Variants in WDR35 observed in about 807,000 individuals in gnomAD.
The protein encoded by WDR35 is WD repeat-containing protein 35.
Under a neutral mutation model 158.3 loss-of-function variants are expected in WDR35, and 118 were observed. That is an observed-to-expected ratio of 0.75 (90% confidence interval 0.64 to 0.87). WDR35 has a LOEUF of 0.87. Among genes scored for constraint, WDR35 ranks in the 40% least tolerant of loss-of-function variants. The pLI is 0.00. For synonymous variants in WDR35, 448 were observed against 476.1 expected (o/e 0.94, Z 0.77); for missense variants, 1,263 against 1,405.8 (o/e 0.90, Z 1.62).
In WDR35 at chr2:19,975,600, T is replaced by C. The variant is rs762278075; in HGVS notation, c.500A>G (p.Asp167Gly). The C allele has an allele frequency of 1.2e-6, 2 of 1,614,128 alleles. No individual in the cohort carries two copies. The highest frequency in any genetic ancestry group is 3.3e-4 in the Middle Eastern group (2 of 6,060). ...CATTCCAAAAAGTAAGACTTTACTG[T>C]CCGCAGACCATGTTACATGGGATAG... The part of the protein sequence containing the change: ...IQLSHVTWSA[D>G]SKVLLFGMAN... Residue 167 changes from aspartate (D) to glycine (G), a missense_variant, in exon 6 of 27, where the codon GAC (aspartate) becomes GGC (glycine). Transcript: ENST00000281405.
chr2:19,963,884 C>T (rs1671748779), intron 10 of WDR35, among the ~76,000 whole-genome samples: 2 of 152,106 alleles, frequency 1.3e-5, no homozygotes, highest in Admixed American at 6.5e-5. Flanking sequence ...GCTGGGATTA[C>T]AGGCACCCGC....
chr2:19,950,287 T>C (rs1423031752), intron 13 of WDR35, among the ~76,000 whole-genome samples: 1 of 152,060 alleles, frequency 6.6e-6, no homozygotes. Flanking sequence ...AAATATTAAA[T>C]GTAATGTGTA....
At chr2:19,963,209 G>A (rs747815800) in intron 10 of WDR35, among the ~76,000 whole-genome samples, 1 of 152,020 alleles carries the variant, frequency 6.6e-6, no homozygotes, top group Non-Finnish European at 1.5e-5. Flanking sequence ...AGAATTTAGG[G>A]TTCAGTATGT....
intron 11 of WDR35, among the ~76,000 whole-genome samples, chr2:19,955,645 T>G (rs1558343633): frequency 6.6e-6 from 1 of 152,228 alleles, no homozygotes; most frequent in Non-Finnish European, 1.5e-5. Flanking sequence ...CAAAACAGTG[T>G]AAAACTTAAT....
chr2:19,936,278 GT>G lies in WDR35; in HGVS notation c.2354del (p.Asp785AlafsTer22). ...CATTGTTGGCTTGTTCCAGGAGACT[GT>G]CATCTGCATCACCAGATCCAGTTTT... The part of the protein sequence containing the change: ...LLKTGSGDAD[D>X]SLLEQANNAI... On this transcript the variant is annotated frameshift_variant, in exon 20 of 27. Coordinates refer to ENST00000281405, the MANE Select transcript of WDR35 (RefSeq NM_020779.4). LOFTEE classifies it high-confidence loss of function. The G allele has an allele frequency of 6.2e-7, 1 of 1,614,054 alleles. No individual in the cohort carries two copies. Among genetic ancestry groups the G allele is most frequent in the Non-Finnish European group, 8.5e-7 (1 of 1,179,948 alleles).
rs762344853 is a variant in WDR35, at chr2:19,937,727, C to A, written c.2267+16G>T. 5.6e-6 allele frequency: 9 copies of A among 1,614,022 alleles called. No homozygotes were observed. Among genetic ancestry groups the A allele is most frequent in the Middle Eastern group, 1.7e-4 (1 of 6,056 alleles). On this transcript the variant is annotated intron_variant, in intron 19 of 26. Transcript: ENST00000281405. ...CTGATAGAGTACTCAGGGATGCCTG[C>A]GCCTTCATAACTTACCTTCTGTCCA... is the stretch of plus-strand genomic sequence containing the variant.
At chr2:19,981,652 G>A (rs1200714555) in intron 3 of WDR35, among the ~76,000 whole-genome samples, 1 of 152,024 alleles carries the variant, frequency 6.6e-6, no homozygotes, top group East Asian at 1.9e-4. Context: ...TGAGTACTGG[G>A]GACTACGGGC....
chr2:19,941,070 T>C (rs778637695), intron 17 of WDR35, among the ~76,000 whole-genome samples: 2 of 152,132 alleles, frequency 1.3e-5, no homozygotes, highest in Non-Finnish European at 1.5e-5. Context: ...CTGTTCCAAA[T>C]TGCCACTAAC....
chr2:19,913,293 CA>C lies in WDR35; in HGVS notation c.*264del. On this transcript the variant is annotated 3_prime_UTR_variant, in exon 27 of 27. Coordinates refer to ENST00000281405, the MANE Select transcript of WDR35 (RefSeq NM_020779.4). ...GAATATTTCCATGGTATCATGTAACCAAAAACAAGATAAACAAAAGAGAGAG... is the reference window on the plus strand; with the variant it reads ...GAATATTTCCATGGTATCATGTAACCAAAACAAGATAAACAAAAGAGAGAG... 3 of 351,378 alleles carry C rather than the reference CA, an allele frequency of 8.5e-6. No individual in the cohort carries two copies. The highest frequency in any genetic ancestry group is 8.5e-5 in the Admixed American group (2 of 23,600). The allele number at this position is 351,378 out of a possible 1,614,324, so 21.8% of individuals were successfully genotyped here.
chr2:19,973,817 A>C, intron 7 of WDR35, 109 bp from the exon 8 acceptor site: 2 of 1,461,978 alleles, frequency 1.4e-6, no homozygotes, highest in Non-Finnish European at 1.9e-6. Context: ...CACATTTTTA[A>C]AAAAACAGGG....
chr2:19,918,315 T>C (rs1042296080), intron 25 of WDR35, among the ~76,000 whole-genome samples: 21 of 152,218 alleles, frequency 1.4e-4, no homozygotes, highest in African/African-American at 5.1e-4. Context: ...GCATCGAAGC[T>C]ATGAAGAAAC....
At chr2:19,981,032 T>A (rs1672366602) in intron 3 of WDR35, among the ~76,000 whole-genome samples, 2 of 152,222 alleles carry the variant, frequency 1.3e-5, no homozygotes, top group South Asian at 4.1e-4. Flanking sequence ...CATGGCTAGC[T>A]ACCAGAACTA....
intron 12 of WDR35, among the ~76,000 whole-genome samples, chr2:19,952,781 CTTTTTTTTTTTTT>C (rs773596785): frequency 2.3e-5 from 2 of 86,266 alleles, no homozygotes; most frequent in African/African-American, 9.1e-5. Context: ...ACTCAACATA[CTTTTTTTTTTTTT>C]TTTTTTTTTT....
At chr2:19,946,427 C>A in intron 15 of WDR35, 34 bp downstream of exon 15, 1 of 1,537,382 alleles carries the variant, frequency 6.5e-7, no homozygotes, top group South Asian at 1.1e-5. Flanking sequence ...ATTTCTAAGT[C>A]TAACATCTAC....
Position 19,914,240 on chromosome 2 carries a change from A to G in WDR35, c.3159T>C (p.Pro1053=), listed in dbSNP as rs1270917030. 1.2e-6 allele frequency: 2 copies of G among 1,613,760 alleles called. No individual in the cohort carries two copies. Among genetic ancestry groups the G allele is most frequent in the African/African-American group, 1.3e-5 (1 of 74,890 alleles). Residue 1053 remains proline, a synonymous_variant, in exon 26 of 27, where the codon CCT becomes CCC. Coordinates refer to ENST00000281405, the MANE Select transcript of WDR35 (RefSeq NM_020779.4). ...HLKDYEDIIP[P]VEIYSLLALC... Reference sequence around the variant, plus strand: ...GTGCTAGCAGAGAGTAGATCTCCACAGGAGGGATGATGTCTTCATAGTCTT... The same window carrying G: ...GTGCTAGCAGAGAGTAGATCTCCACGGGAGGGATGATGTCTTCATAGTCTT...
intron 25 of WDR35, among the ~76,000 whole-genome samples, chr2:19,923,010 C>A (rs914195773): frequency 9.2e-5 from 14 of 152,240 alleles, no homozygotes; most frequent in Admixed American, 9.2e-4. Flanking sequence ...CCAGACCCAT[C>A]CCTTTATTTC....
chr2:19,978,619 A>G (rs1444173074), intron 5 of WDR35, 132 bp downstream of exon 5: 15 of 1,346,466 alleles, frequency 1.1e-5, no homozygotes, highest in African/African-American at 2.9e-5. Flanking sequence ...GTCAAATTGT[A>G]TATCAAATAG....
intron 8 of WDR35, among the ~76,000 whole-genome samples, 175 bp from the exon 9 acceptor site, chr2:19,969,780 C>T (rs1405465728): frequency 7.5e-5 from 11 of 147,290 alleles, no homozygotes; most frequent in Non-Finnish European, 1.6e-4. Context: ...CGGAATTTCT[C>T]ACTCTCACCC....
At chr2:19,971,863 T>C (rs923472290) in intron 8 of WDR35, among the ~76,000 whole-genome samples, 2 of 152,246 alleles carry the variant, frequency 1.3e-5, no homozygotes, top group Non-Finnish European at 2.9e-5. Context: ...TGCCAGGCAC[T>C]GTGTAGGCAT....
Sources: gnomAD v4.1 joint callset for allele counts (sites outside exome capture counted in the v4.1 genomes callset) on GRCh38, gnomAD v4.1.1 for gene constraint, MANE v1.5 for transcripts, NCBI Gene and HGNC (gene_info 2026-07-23, HGNC 2026-07-21) for gene names.